CREB5: variants seen among roughly 807,000 people sequenced by gnomAD.
CREB5 encodes cyclic AMP-responsive element-binding protein 5.
In CREB5, 19 loss-of-function variants were observed where a neutral mutation model predicts 57.1. The observed-to-expected ratio is 0.33, with a 90% confidence interval of 0.23 to 0.49. The LOEUF is 0.49. CREB5 is among the 20% of genes least tolerant of loss of function. CREB5 has a pLI of 0.99. For missense variants in CREB5, 579 were observed against 671.6 expected, an observed-to-expected ratio of 0.86 and a Z score of 1.52; for synonymous variants, 238 against 238.3, an observed-to-expected ratio of 1.00 and a Z score of 0.01.
chr7:28,329,131 G>A lies in CREB5; in HGVS notation c.-25+29690G>A, dbSNP rs117820672. 9.5e-3 allele frequency among the ~76,000 whole-genome samples: 1,450 copies of A among 152,318 alleles called. 19 individuals are homozygous for A. Among genetic ancestry groups the A allele is most frequent in the Middle Eastern group, 0.024 (7 of 294 alleles). The stretch of plus-strand genomic sequence containing the variant: ...GTAAAGCTGAGAATCAGTTTCTGGG[G>A]TAAATAACCACCCTTAATAGATGAA... On this transcript the variant is annotated intron_variant, in intron 1 of 9. Transcript: ENST00000396299.
At chr7:28,795,433 C>A (rs780395117) in intron 7 of CREB5, among the ~76,000 whole-genome samples, 1 of 152,138 alleles carries the variant, frequency 6.6e-6, no homozygotes, top group Non-Finnish European at 1.5e-5. Context: ...TGGTTCTAAG[C>A]CAGCTGGTAG....
intron 7 of CREB5, among the ~76,000 whole-genome samples, chr7:28,761,936 G>A (rs1009059052): frequency 1.3e-5 from 2 of 151,894 alleles, no homozygotes; most frequent in Middle Eastern, 3.4e-3. Flanking sequence ...AAATGAGTTC[G>A]CAACATAAAG....
intron 5 of CREB5, among the ~76,000 whole-genome samples, chr7:28,574,870 G>A (rs868555290): frequency 6.6e-5 from 10 of 152,194 alleles, no homozygotes; most frequent in Middle Eastern, 3.4e-3. Context: ...TTTAATCCTG[G>A]AACATATATT....
intron 1 of CREB5, among the ~76,000 whole-genome samples, chr7:28,305,127 T>C (rs914033505): frequency 6.6e-6 from 1 of 152,226 alleles, no homozygotes; most frequent in Non-Finnish European, 1.5e-5. Context: ...TTAGCATCTC[T>C]CTTTCAGCGA....
At chr7:28,780,270 C>T (rs1249935408) in intron 7 of CREB5, among the ~76,000 whole-genome samples, 1 of 152,176 alleles carries the variant, frequency 6.6e-6, no homozygotes, top group Non-Finnish European at 1.5e-5. Context: ...AGCTGAATGC[C>T]ATTGGAACTA....
At chr7:28,625,468 G>A (rs1797964347) in intron 5 of CREB5, among the ~76,000 whole-genome samples, 1 of 152,180 alleles carries the variant, frequency 6.6e-6, no homozygotes, top group Non-Finnish European at 1.5e-5. Flanking sequence ...TCTACCCCAT[G>A]TTCTCAGAGT....
chr7:28,419,647 A>T (rs1036202749), intron 1 of CREB5, among the ~76,000 whole-genome samples: 1 of 152,252 alleles, frequency 6.6e-6, no homozygotes, highest in Non-Finnish European at 1.5e-5. Context: ...TGAGGACCAG[A>T]ATGTTAGTAG....
chr7:28,616,542 A>T (rs1046299336), intron 5 of CREB5, among the ~76,000 whole-genome samples: 2 of 152,154 alleles, frequency 1.3e-5, no homozygotes, highest in Non-Finnish European at 2.9e-5. Flanking sequence ...GGTATTGAGC[A>T]GCAGAAAAAC....
At chr7:28,440,912 C>CG (rs1789161301) in intron 1 of CREB5, among the ~76,000 whole-genome samples, 1 of 152,078 alleles carries the variant, frequency 6.6e-6, no homozygotes, top group African/African-American at 2.4e-5. Context: ...GAAGAGGGCA[C>CG]GCTGAGGTTG....
At chr7:28,388,761 A>G (rs1562687172) in intron 1 of CREB5, among the ~76,000 whole-genome samples, 1 of 152,122 alleles carries the variant, frequency 6.6e-6, no homozygotes, top group African/African-American at 2.4e-5. Context: ...TAATGCCTCA[A>G]CTCTTAGAGC....
At chr7:28,696,454 C>T (rs1368252778) in intron 5 of CREB5, among the ~76,000 whole-genome samples, 1 of 152,056 alleles carries the variant, frequency 6.6e-6, no homozygotes, top group Non-Finnish European at 1.5e-5. Flanking sequence ...ATTTAAGCTC[C>T]CTTTGAAATG....
At chr7:28,605,095 C>A (rs1051366398) in intron 5 of CREB5, among the ~76,000 whole-genome samples, 1 of 151,940 alleles carries the variant, frequency 6.6e-6, no homozygotes, top group Admixed American at 6.6e-5. Context: ...CATGAAGGAA[C>A]AAGAGCCTAA....
intron 7 of CREB5, among the ~76,000 whole-genome samples, chr7:28,741,518 G>T (rs1804346098): frequency 2.0e-5 from 3 of 152,194 alleles, no homozygotes; most frequent in Admixed American, 1.3e-4. Context: ...GTCCTTTGTA[G>T]AGTGAATGTT....
intron 9 of CREB5, among the ~76,000 whole-genome samples, chr7:28,815,331 G>A (rs1231045741): frequency 6.6e-6 from 1 of 152,112 alleles, no homozygotes; most frequent in Non-Finnish European, 1.5e-5. Flanking sequence ...TTTAAATGAT[G>A]GTCAGTTGTC....
intron 5 of CREB5, among the ~76,000 whole-genome samples, chr7:28,619,068 G>A (rs1250386379): frequency 6.6e-6 from 1 of 152,186 alleles, no homozygotes; most frequent in South Asian, 2.1e-4. Context: ...CTCTCATTGG[G>A]CACATGGCCA....
intron 5 of CREB5, among the ~76,000 whole-genome samples, chr7:28,634,896 A>C (rs1798351018): frequency 6.6e-6 from 1 of 152,216 alleles, no homozygotes; most frequent in Non-Finnish European, 1.5e-5. Context: ...TTCAGGGTAG[A>C]GCACTGTATC....
rs1801055380 is a variant in CREB5 at position 28,688,272 on chromosome 7, G to T, written c.465-30481G>T. ...ATTACCTAGGTGAGACTGCCAAAAA[G>T]AGTGGCAGAGTAGACAAGGGGGAGA... On this transcript the variant is annotated intron_variant, in intron 5 of 10. Coordinates refer to ENST00000357727, the MANE Select transcript of CREB5 (RefSeq NM_182898.4). 7.9e-5 allele frequency among the ~76,000 whole-genome samples: 12 copies of T among 152,136 alleles called. No individual in the cohort carries two copies. In the South Asian group the frequency reaches 2.5e-3, roughly 31 times the overall value.
chr7:28,433,319 T>C (rs1394202094), intron 1 of CREB5, among the ~76,000 whole-genome samples: 1 of 152,346 alleles, frequency 6.6e-6, no homozygotes, highest in African/African-American at 2.4e-5. Context: ...GGTATTGTAG[T>C]CAAAAAGAAA....
At chr7:28,306,891 A>G (rs1208142704) in intron 1 of CREB5, among the ~76,000 whole-genome samples, 4 of 152,232 alleles carry the variant, frequency 2.6e-5, no homozygotes, top group African/African-American at 9.6e-5. Context: ...ATAAAAAGGT[A>G]TTCATGAATA....
Sources: allele counts gnomAD v4.1 joint callset (sites outside exome capture counted in the v4.1 genomes callset), GRCh38; gene constraint gnomAD v4.1.1; transcripts MANE v1.5; gene names NCBI Gene and HGNC (gene_info 2026-07-23, HGNC 2026-07-21).